SELENOF: variants seen among roughly 807,000 people sequenced by gnomAD.
SELENOF encodes the protein 15 kDa selenoprotein.
In SELENOF, 16 loss-of-function variants were observed where a neutral mutation model predicts 20.5. That is an observed-to-expected ratio of 0.78 (90% CI 0.53 to 1.19). SELENOF has a LOEUF of 1.19. SELENOF is among the 50% of genes most tolerant of loss of function. SELENOF has a pLI of 0.00. For missense variants in SELENOF, 215 were observed against 194.2 expected, an observed-to-expected ratio of 1.11 and a Z score of -0.64; for synonymous variants, 78 against 74.5, an observed-to-expected ratio of 1.05 and a Z score of -0.24.
At chr1:86,902,678 TA>T (rs1352786504) in intron 2 of SELENOF, among the ~76,000 whole-genome samples, 2 of 152,228 alleles carry the variant, frequency 1.3e-5, no homozygotes, top group Admixed American at 6.5e-5. Context: ...TGAAAATATT[TA>T]AAAGATGAGC....
chr1:86,886,331 G>A (rs1395545498), intron 2 of SELENOF, among the ~76,000 whole-genome samples: 1 of 152,034 alleles, frequency 6.6e-6, no homozygotes. Context: ...GGCAAAAATT[G>A]CAAAATGGTA....
intron 3 of SELENOF, among the ~76,000 whole-genome samples, chr1:86,872,868 C>G (rs181106750): frequency 6.6e-6 from 1 of 151,952 alleles, no homozygotes; most frequent in South Asian, 2.1e-4. Flanking sequence ...CGGTGAAACC[C>G]CGTCTCTACT....
At chr1:86,873,520 G>A (rs1459505376) in intron 3 of SELENOF, among the ~76,000 whole-genome samples, 3 of 152,108 alleles carry the variant, frequency 2.0e-5, no homozygotes, top group East Asian at 1.9e-4. Context: ...AATGTAGCTA[G>A]TGTGTCTAAG....
intron 4 of SELENOF, among the ~76,000 whole-genome samples, chr1:86,867,490 T>TCAACAACAACAACAACAACAA (rs71082044): frequency 4.1e-5 from 6 of 147,808 alleles, no homozygotes; most frequent in African/African-American, 1.3e-4. Flanking sequence ...AGACTCCGTC[T>TCAACAACAACAACAACAACAA]CAACAACAAC....
chr1:86,874,321 G>A (rs1368521309), intron 3 of SELENOF, among the ~76,000 whole-genome samples: 1 of 152,110 alleles, frequency 6.6e-6, no homozygotes, highest in African/African-American at 2.4e-5. Context: ...TCCAGAAAAT[G>A]TTCCTATGTC....
At chr1:86,898,675 G>C (rs1221609295) in intron 2 of SELENOF, among the ~76,000 whole-genome samples, 1 of 150,064 alleles carries the variant, frequency 6.7e-6, no homozygotes. Context: ...TCTGCTTCAC[G>C]GGTTCAAGCG....
chr1:86,879,685 A>T (rs1394538168), intron 3 of SELENOF, among the ~76,000 whole-genome samples: 1 of 152,198 alleles, frequency 6.6e-6, no homozygotes, highest in Non-Finnish European at 1.5e-5. Flanking sequence ...AAAGAGAGAA[A>T]GCGTTATTAC....
At chr1:86,892,201 G>C (rs2102106513) in intron 2 of SELENOF, among the ~76,000 whole-genome samples, 1 of 152,192 alleles carries the variant, frequency 6.6e-6, no homozygotes, top group East Asian at 1.9e-4. Flanking sequence ...GCCTCCCAAA[G>C]TGCTGGGATT....
chr1:86,885,411 A>G (rs1034583913), intron 2 of SELENOF, among the ~76,000 whole-genome samples: 3 of 152,166 alleles, frequency 2.0e-5, no homozygotes, highest in Non-Finnish European at 2.9e-5. Flanking sequence ...AGATTCCAAA[A>G]TAAGTTCATT....
At chr1:86,912,559 C>T (rs1660011706) in intron 1 of SELENOF, among the ~76,000 whole-genome samples, 1 of 152,058 alleles carries the variant, frequency 6.6e-6, no homozygotes, top group African/African-American at 2.4e-5. Flanking sequence ...ATGTGATTTC[C>T]AAGGCAAGGC....
intron 3 of SELENOF, among the ~76,000 whole-genome samples, chr1:86,875,784 C>T (rs1466917672): frequency 6.6e-6 from 1 of 152,112 alleles, no homozygotes; most frequent in East Asian, 1.9e-4. Context: ...TGTTTAAACA[C>T]CACCCAAAAA....
chr1:86,890,354 T>C (rs1423668576), intron 2 of SELENOF, among the ~76,000 whole-genome samples: 1 of 152,194 alleles, frequency 6.6e-6, no homozygotes, highest in Non-Finnish European at 1.5e-5. Flanking sequence ...TACATGTATG[T>C]TTTGTTTATA....
At chr1:86,864,761 C>T (rs753199289) in intron 4 of SELENOF, among the ~76,000 whole-genome samples, 39 of 151,866 alleles carry the variant, frequency 2.6e-4, no homozygotes, top group Admixed American at 9.2e-4. Flanking sequence ...CTCAGCCTCC[C>T]GAGTAGCTGG....
chr1:86,868,998 G>C (rs1658683447), intron 3 of SELENOF, among the ~76,000 whole-genome samples: 1 of 152,060 alleles, frequency 6.6e-6, no homozygotes, highest in African/African-American at 2.4e-5. Flanking sequence ...ATAAACATTT[G>C]AAATAAATGT....
chr1:86,874,361 A>G (rs1280349288), intron 3 of SELENOF, among the ~76,000 whole-genome samples: 3 of 152,220 alleles, frequency 2.0e-5, no homozygotes, highest in African/African-American at 7.2e-5. Flanking sequence ...AATAAAGGCA[A>G]TTTTGTAAAT....
At chr1:86,903,138 G>T in intron 2 of SELENOF, 143 bp downstream of exon 2, 1 of 660,710 alleles carries the variant, frequency 1.5e-6, no homozygotes, top group African/African-American at 1.9e-5. Flanking sequence ...TGAACTAATA[G>T]GCCAGACAAG....
At chr1:86,868,693 T>A (rs1658676855) in intron 3 of SELENOF, among the ~76,000 whole-genome samples, 1 of 151,934 alleles carries the variant, frequency 6.6e-6, no homozygotes, top group Non-Finnish European at 1.5e-5. Flanking sequence ...TGAGTCATGA[T>A]AACTGCTAAA....
intron 2 of SELENOF, among the ~76,000 whole-genome samples, chr1:86,893,932 C>T (rs1190248036): frequency 6.6e-6 from 1 of 152,168 alleles, no homozygotes; most frequent in African/African-American, 2.4e-5. Flanking sequence ...TCCACTTATT[C>T]AATTCTAGTA....
rs201462971 is a variant in SELENOF at position 86,914,029 on chromosome 1, G to T, written c.83C>A (p.Ala28Glu). The T allele has an allele frequency of 2.5e-6, 4 of 1,613,528 alleles. No individual in the cohort carries two copies. Among genetic ancestry groups the T allele is most frequent in the Non-Finnish European group, 3.4e-6 (4 of 1,179,634 alleles). The stretch of plus-strand genomic sequence containing the variant: ...GCTGCGAAGGTGATCTACACTCACC[G>T]CTTGAAGCACAGTCGCCAACAACAA... ...LRLLLATVLQ[A>E]VSAFGAEFSS... Residue 28 changes from alanine to glutamate, a missense_variant and splice_region_variant, in exon 1 of 5, where the codon GCG (alanine) becomes GAG (glutamate). Transcript: ENST00000331835.
Sources: allele counts gnomAD v4.1 joint callset (sites outside exome capture counted in the v4.1 genomes callset), GRCh38; gene constraint gnomAD v4.1.1; transcripts MANE v1.5; gene names NCBI Gene and HGNC (gene_info 2026-07-23, HGNC 2026-07-21).